Variants in MEOX2 observed in about 807,000 individuals in gnomAD.
The protein encoded by MEOX2 is mesenchyme homeobox 2, also known as homeobox protein MOX-2.
MEOX2 carries 11 observed loss-of-function variants against 27.0 expected under a neutral mutation model. The ratio of observed to expected loss-of-function variants is 0.41; its 90% CI spans 0.26 to 0.68. The LOEUF is 0.68. Ranked by LOEUF, MEOX2 falls within the 30% of genes least tolerant of loss-of-function variation. The pLI is 0.33. For synonymous variants in MEOX2, 189 were observed against 155.4 expected, an observed-to-expected ratio of 1.22 and a Z score of -1.61; for missense variants, 436 against 385.4, an observed-to-expected ratio of 1.13 and a Z score of -1.10.
At chr7:15,612,733 G>A in intron 2 of MEOX2, 122 bp from the exon 3 acceptor site, 4 of 687,496 alleles carry the variant, frequency 5.8e-6, no homozygotes, top group Non-Finnish European at 1.0e-5. Flanking sequence ...ACACCATGAA[G>A]GAGTGAATAG....
chr7:15,640,486 G>C (rs1395229520), intron 1 of MEOX2, among the ~76,000 whole-genome samples: 1 of 152,100 alleles, frequency 6.6e-6, no homozygotes, highest in Non-Finnish European at 1.5e-5. Context: ...GAGGTAAATT[G>C]ACTTCCTTGT....
chr7:15,685,117 C>T (rs143997790), intron 1 of MEOX2, among the ~76,000 whole-genome samples: 1 of 152,218 alleles, frequency 6.6e-6, no homozygotes, highest in Non-Finnish European at 1.5e-5. Flanking sequence ...CTAATACCCA[C>T]TTGGTAGAGG....
intron 1 of MEOX2, among the ~76,000 whole-genome samples, chr7:15,637,544 GCA>G (rs763205606): frequency 1.3e-4 from 20 of 150,676 alleles, no homozygotes; most frequent in African/African-American, 4.4e-4. Flanking sequence ...ACACACACAC[GCA>G]CACACACACA....
In MEOX2 at chr7:15,612,351, T is replaced by C. The variant is rs1583731431; in HGVS notation, c.*36A>G. 1 of 1,555,970 alleles carries C rather than the reference T, an allele frequency of 6.4e-7. No homozygotes were observed. The highest frequency in any genetic ancestry group is 1.1e-5 in the South Asian group (1 of 89,970). On this transcript the variant is annotated 3_prime_UTR_variant, in exon 3 of 3. Transcript: ENST00000262041. ...TGGGTAAGGCTTGCCATCACAACAT[T>C]TCTTTCCTGAGAATGGAGCTGGTCC...
chr7:15,683,037 G>A (rs1782317604), intron 1 of MEOX2, among the ~76,000 whole-genome samples: 1 of 151,968 alleles, frequency 6.6e-6, no homozygotes, highest in Non-Finnish European at 1.5e-5. Context: ...GCTAGAGTTT[G>A]CATATGTGTG....
At chr7:15,674,602 TTG>T (rs1782163021) in intron 1 of MEOX2, among the ~76,000 whole-genome samples, 1 of 151,068 alleles carries the variant, frequency 6.6e-6, no homozygotes, top group African/African-American at 2.4e-5. Flanking sequence ...AGAAATGGTG[TTG>T]TCTTTAGAAA....
At chr7:15,665,247 A>G (rs996912178) in intron 1 of MEOX2, among the ~76,000 whole-genome samples, 3 of 152,172 alleles carry the variant, frequency 2.0e-5, no homozygotes, top group African/African-American at 7.2e-5. Flanking sequence ...TAACCCAGGG[A>G]AAATGAAATG....
chr7:15,666,779 A>AAAT (rs1782014585), intron 1 of MEOX2, among the ~76,000 whole-genome samples: 53 of 33,328 alleles, frequency 1.6e-3, no homozygotes, highest in Non-Finnish European at 2.1e-3. Context: ...AAAAAAAAAA[A>AAAT]ATATATATAT....
At chr7:15,654,989 C>T (rs986499110) in intron 1 of MEOX2, among the ~76,000 whole-genome samples, 6 of 151,538 alleles carry the variant, frequency 4.0e-5, no homozygotes, top group Admixed American at 1.3e-4. Flanking sequence ...TGGTAGAATT[C>T]TCAAATGACA....
intron 1 of MEOX2, among the ~76,000 whole-genome samples, chr7:15,666,512 G>A (rs895170616): frequency 6.6e-6 from 1 of 151,878 alleles, no homozygotes; most frequent in South Asian, 2.1e-4. Flanking sequence ...CCAGCACTTT[G>A]GGAGGCCAAG....
intron 1 of MEOX2, among the ~76,000 whole-genome samples, chr7:15,641,653 T>C (rs767971345): frequency 1.3e-5 from 2 of 152,148 alleles, no homozygotes; most frequent in African/African-American, 2.4e-5. Flanking sequence ...GTTCCTCTAA[T>C]AGTGTTGTTA....
intron 1 of MEOX2, among the ~76,000 whole-genome samples, chr7:15,632,353 A>G (rs557454984): frequency 5.3e-5 from 8 of 151,694 alleles, no homozygotes; most frequent in African/African-American, 1.9e-4. Context: ...TTTAGTGAAG[A>G]CCCTTATTTT....
chr7:15,668,828 A>T (rs1053333983), intron 1 of MEOX2, among the ~76,000 whole-genome samples: 3 of 152,118 alleles, frequency 2.0e-5, no homozygotes, highest in African/African-American at 4.8e-5. Context: ...TCAACTGCAC[A>T]TGGGGATCTG....
chr7:15,652,126 T>A (rs1781740765), intron 1 of MEOX2, among the ~76,000 whole-genome samples: 1 of 152,048 alleles, frequency 6.6e-6, no homozygotes, highest in African/African-American at 2.4e-5. Context: ...CCTATAGGCT[T>A]CTCAGCAATT....
In MEOX2 at chr7:15,643,867, C is replaced by A. The variant is rs377284370; in HGVS notation, c.518-16949G>T. The stretch of plus-strand genomic sequence containing the variant: ...GTGTCCTGGGGCACTGGGACCAGAC[C>A]AGCAGTTTTGTCCTCTGGCCCTCGG... On this transcript the variant is annotated intron_variant, in intron 1 of 2. Coordinates refer to ENST00000262041, the MANE Select transcript of MEOX2 (RefSeq NM_005924.5). Among the ~76,000 whole-genome samples the A allele has an allele frequency of 1.6e-4, 25 of 152,286 alleles. No homozygotes were observed. In the East Asian group the frequency reaches 2.7e-3, roughly 17 times the overall value.
intron 1 of MEOX2, among the ~76,000 whole-genome samples, chr7:15,665,041 TCACACACA>T (rs35772927): frequency 0.015 from 2,106 of 141,290 alleles, 27 homozygotes; most frequent in East Asian, 0.034. Flanking sequence ...TAAGTGGACA[TCACACACA>T]CACACACACA....
intron 1 of MEOX2, among the ~76,000 whole-genome samples, chr7:15,675,588 T>C (rs1010373882): frequency 4.6e-5 from 7 of 152,262 alleles, no homozygotes; most frequent in African/African-American, 1.7e-4. Context: ...CAGACATTAC[T>C]TAACTTCTCT....
chr7:15,612,672 T>C, intron 2 of MEOX2, 61 bp from the exon 3 acceptor site: 13 of 1,425,976 alleles, frequency 9.1e-6, no homozygotes, highest in Non-Finnish European at 1.3e-5. Flanking sequence ...TGACATTTTT[T>C]TCTCCTTAGT....
chr7:15,626,175 T>C (rs926563107), intron 2 of MEOX2, among the ~76,000 whole-genome samples: 2 of 152,156 alleles, frequency 1.3e-5, no homozygotes, highest in Non-Finnish European at 2.9e-5. Context: ...TCCAATTCTT[T>C]CTTATTTCTT....
Sources: gnomAD v4.1 joint callset for allele counts (sites outside exome capture counted in the v4.1 genomes callset) on GRCh38, gnomAD v4.1.1 for gene constraint, MANE v1.5 for transcripts, NCBI Gene and HGNC (gene_info 2026-07-23, HGNC 2026-07-21) for gene names.